KCNK16: variants seen among roughly 807,000 people sequenced by gnomAD.
KCNK16 encodes potassium two pore domain channel subfamily K member 16, also known as potassium channel subfamily K member 16.
Under a neutral mutation model 23.0 loss-of-function variants are expected in KCNK16, and 23 were observed. That is an observed-to-expected ratio of 1.00 (90% CI 0.72 to 1.41). The LOEUF (loss-of-function observed/expected upper bound fraction) is 1.41, where lower values mean the gene tolerates loss of function less well. KCNK16 is among the 40% of genes most tolerant of loss of function. KCNK16 has a pLI of 0.00. For synonymous variants in KCNK16, 145 were observed against 153.5 expected (o/e 0.94, Z 0.41); for missense variants, 327 against 365.8 (o/e 0.89, Z 0.87).
chr6:39,321,391 C>T (rs562028322), intron 1 of KCNK16, among the ~76,000 whole-genome samples: 5 of 152,310 alleles, frequency 3.3e-5, no homozygotes, highest in African/African-American at 4.8e-5. Context: ...TACCTCAGTT[C>T]CCATCTACAA....
Position 39,319,880 on chromosome 6 carries a change from C to T in KCNK16, c.214-747G>A, listed in dbSNP as rs1583788674. Among the ~76,000 whole-genome samples, 2 of 152,112 alleles carry T rather than the reference C, an allele frequency of 1.3e-5. No homozygotes were observed. Among genetic ancestry groups the T allele is most frequent in the Admixed American group, 6.5e-5 (1 of 15,268 alleles). ...GTGTGTTGCATGTGTTTTCACAAGA[C>T]CCGAACCTTTGCCGGCTCAAGCCTA... On this transcript the variant is annotated intron_variant, in intron 1 of 4. Coordinates refer to ENST00000437525, the MANE Select transcript of KCNK16 (RefSeq NM_001135106.2). The surrounding 1 kb of genome is among the most constrained non-coding windows in gnomAD (Gnocchi z 4.2).
chr6:39,317,872 C>T lies in KCNK16; in HGVS notation c.409G>A (p.Val137Met), dbSNP rs147045595. Residue 137 changes from valine (V) to methionine (M), a missense_variant, in exon 3 of 5, where the codon GTG becomes ATG. Physicochemically the swap from Val to Met is conservative, Grantham distance 21 (BLOSUM62 1). Transcript: ENST00000437525. ...FYALLGIPLN[V>M]IFLNHLGTGL... ...GTGCCCAGGTGGTTGAGGAAGATCA[C>T]GTTAAGCGGGATGCCCAACAGGGCA... 1,170 of 1,613,864 alleles carry T rather than the reference C, an allele frequency of 7.2e-4. 10 individuals carry two copies. The South Asian group carries it at 7.3e-3, about 10-fold the overall frequency.
chr6:39,321,326 C>A (rs1466978026), intron 1 of KCNK16, among the ~76,000 whole-genome samples: 1 of 152,218 alleles, frequency 6.6e-6, no homozygotes. Context: ...GAGCCAGAGG[C>A]CTGGGAGTGA....
intron 1 of KCNK16, among the ~76,000 whole-genome samples, chr6:39,320,924 T>C (rs901020132): frequency 6.6e-6 from 1 of 152,328 alleles, no homozygotes; most frequent in African/African-American, 2.4e-5. Flanking sequence ...TCAACCCTGA[T>C]GTGGTACTAT....
chr6:39,315,605 C>A (rs1163631687), downstream of KCNK16, among the ~76,000 whole-genome samples: 1 of 152,176 alleles, frequency 6.6e-6, no homozygotes, highest in Admixed American at 6.5e-5. Flanking sequence ...CCTCTTTTCA[C>A]TAAGATTGTT....
In KCNK16 at chr6:39,321,228, C is replaced by T. The variant is rs73731789; in HGVS notation, c.213+1100G>A. Among the ~76,000 whole-genome samples the T allele has an allele frequency of 8.4e-3, 1,277 of 152,222 alleles. 18 individuals carry two copies. Among genetic ancestry groups the T allele is most frequent in the African/African-American group, 0.027 (1,126 of 41,512 alleles). On this transcript the variant is annotated intron_variant, in intron 1 of 4. Coordinates refer to ENST00000437525, the MANE Select transcript of KCNK16 (RefSeq NM_001135106.2). ...TCCCAGGTGATGCTGATTCTGGTCC[C>T]GGGACTACACTTTGAGAACTGCTGC... is the stretch of plus-strand genomic sequence containing the variant.
Position 39,319,188 on chromosome 6 carries a change from C to A in KCNK16, c.214-55G>T. 1 of 972,850 alleles carries A rather than the reference C, an allele frequency of 1.0e-6. No individual in the cohort carries two copies. 60.3% of individuals were successfully genotyped at this position (972,850 alleles called of 1,614,324 possible). On this transcript the variant is annotated intron_variant, in intron 1 of 4. Coordinates refer to ENST00000437525, the MANE Select transcript of KCNK16 (RefSeq NM_001135106.2). This position sits in a 1 kb window ranked among gnomAD's most constrained non-coding sequence, Gnocchi z 4.2. The stretch of plus-strand genomic sequence containing the variant: ...GAAGGAGCTGATGGTTACTGGGCAC[C>A]AGTTGTTGCCATGCTTTTGGCAGCA...
chr6:39,314,868 T>C, downstream of KCNK16: 2 of 892,696 alleles, frequency 2.2e-6, no homozygotes, highest in Non-Finnish European at 3.5e-6. Context: ...TGATTGCCAC[T>C]TGTCCATGAG....
At position 39,319,157 on chromosome 6, in the gene KCNK16, G is replaced by A. The variant is rs757526908; in HGVS notation, c.214-24C>T. On this transcript the variant is annotated intron_variant, in intron 1 of 4. Coordinates refer to ENST00000437525, the MANE Select transcript of KCNK16 (RefSeq NM_001135106.2). This position sits in a 1 kb window ranked among gnomAD's most constrained non-coding sequence, Gnocchi z 4.2. ...ACCTGTAGGGGGTGGCATGGCAGGGGAGGAAGAAGGAGCTGATGGTTACTG... is the reference window on the plus strand; with the variant it reads ...ACCTGTAGGGGGTGGCATGGCAGGGAAGGAAGAAGGAGCTGATGGTTACTG... 1 of 1,405,620 alleles carries A rather than the reference G, an allele frequency of 7.1e-7. No homozygotes were observed. The highest frequency in any genetic ancestry group is 1.7e-5 in the Admixed American group (1 of 59,736). 87.1% of individuals were successfully genotyped at this position (1,405,620 alleles called of 1,614,324 possible). A position where few individuals can be genotyped will look rare whatever the true frequency, so the allele number is the denominator to read the frequency against.
downstream of KCNK16, chr6:39,316,137 G>C: frequency 7.0e-7 from 1 of 1,435,624 alleles, no homozygotes; most frequent in Non-Finnish European, 9.1e-7. Flanking sequence ...TGGGAGAGGA[G>C]AAAGCAGGGC....
chr6:39,320,423 G>A (rs918481294), intron 1 of KCNK16, among the ~76,000 whole-genome samples: 3 of 152,220 alleles, frequency 2.0e-5, no homozygotes, highest in South Asian at 2.1e-4. Context: ...GCTGAGTGCC[G>A]GTGGGCGGAT....
downstream of KCNK16, chr6:39,315,040 G>A (rs138573996): frequency 3.9e-3 from 6,285 of 1,613,314 alleles, 28 homozygotes; most frequent in South Asian, 6.4e-3. Flanking sequence ...GGGAAGTCCT[G>A]GGGTGTGACT....
At chr6:39,316,008 T>C (rs1762293546), downstream of KCNK16, among the ~76,000 whole-genome samples, 1 of 152,164 alleles carries the variant, frequency 6.6e-6, no homozygotes, top group African/African-American at 2.4e-5. Flanking sequence ...CACCTCCCCA[T>C]CCACACATGT....
At chr6:39,316,132 G>A (rs1762297431), downstream of KCNK16, 1 of 1,432,774 alleles carries the variant, frequency 7.0e-7, no homozygotes, top group Non-Finnish European at 9.1e-7. Flanking sequence ...GGGGTTGGGA[G>A]AGGAGAAAGC....
rs1356738607 is a variant in KCNK16 at position 39,322,508 on chromosome 6, A to T, written c.33T>A (p.Gly11=). 3 of 1,609,494 alleles carry T rather than the reference A, an allele frequency of 1.9e-6. No homozygotes were observed. The highest frequency in any genetic ancestry group is 2.5e-6 in the Non-Finnish European group (3 of 1,178,886). MPSAGLCSCW[G]GRVLPLLLAY... ...CCAGCAGCAGGGGCAGCACCCGGCC[A>T]CCCCAGCAGCTGCAGAGCCCAGCAC... The change falls in exon 1 of 5, where the codon GGT becomes GGA. Residue 11 remains glycine (G), a synonymous_variant. Coordinates refer to ENST00000437525, the MANE Select transcript of KCNK16 (RefSeq NM_001135106.2).
rs188643023 is a variant in KCNK16, at chr6:39,317,867, G to C, written c.414C>G (p.Ile138Met). The C allele has an allele frequency of 9.0e-5, 145 of 1,613,922 alleles. No homozygotes were observed. The East Asian group carries it at 2.8e-3, about 32-fold the overall frequency. Residue 138 changes from isoleucine to methionine, a missense_variant, in exon 3 of 5, where the codon ATC becomes ATG. By Grantham distance (10) the Ile-to-Met change is conservative (BLOSUM62 1). Coordinates refer to ENST00000437525, the MANE Select transcript of KCNK16 (RefSeq NM_001135106.2). ...GCCCTGTGCCCAGGTGGTTGAGGAA[G>C]ATCACGTTAAGCGGGATGCCCAACA... ...YALLGIPLNV[I>M]FLNHLGTGLR...
chr6:39,315,085 G>T (rs753765755), downstream of KCNK16: 1 of 1,614,206 alleles, frequency 6.2e-7, no homozygotes, highest in Non-Finnish European at 8.5e-7. Flanking sequence ...CCTCTCCTGG[G>T]TCTCCTGCCT....
In KCNK16 at chr6:39,316,962, G is replaced by A; in HGVS notation, c.496-15C>T. The stretch of plus-strand genomic sequence containing the variant: ...ACTTGCAGTACCTAGGAGGGAGGGA[G>A]TTGGCCTCTGAGTCCACTTGAAAGT... On this transcript the variant is annotated splice_polypyrimidine_tract_variant and intron_variant, in intron 3 of 4. Transcript: ENST00000437525. 1 of 1,601,252 alleles carries A rather than the reference G, an allele frequency of 6.2e-7. No individual in the cohort carries two copies. The highest frequency in any genetic ancestry group is 8.5e-7 in the Non-Finnish European group (1 of 1,175,006).
At position 39,319,746 on chromosome 6, in the gene KCNK16, A is replaced by AGTGTGTGTGT. The variant is rs146841804; in HGVS notation, c.214-623_214-614dup. Among the ~76,000 whole-genome samples the AGTGTGTGTGT allele has an allele frequency of 5.2e-4, 77 of 148,372 alleles. No homozygotes were observed. In the East Asian group the frequency reaches 0.01, roughly 20 times the overall value. On this transcript the variant is annotated intron_variant, in intron 1 of 4. Coordinates refer to ENST00000437525, the MANE Select transcript of KCNK16 (RefSeq NM_001135106.2). The surrounding 1 kb of genome is among the most constrained non-coding windows in gnomAD (Gnocchi z 4.2). Reference sequence around the variant, plus strand: ...GGCCAAGACAAAGGTGGCACGTGTGAGTGTGTGTGTGTGTGTGTGTGTGTG... The same window carrying AGTGTGTGTGT: ...GGCCAAGACAAAGGTGGCACGTGTGAGTGTGTGTGTGTGTGTGTGTGTGTGTGTGTGTGTG...
Sources: gnomAD v4.1 joint callset for allele counts (sites outside exome capture counted in the v4.1 genomes callset) on GRCh38, gnomAD v4.1.1 for gene constraint, Gnocchi (gnomAD v3.1) non-coding constraint, MANE v1.5 for transcripts, NCBI Gene and HGNC (gene_info 2026-07-23, HGNC 2026-07-21) for gene names.